Variants in NDUFAF7 observed in about 807,000 individuals in gnomAD.
The protein encoded by NDUFAF7 is NADH:ubiquinone oxidoreductase complex assembly factor 7, also known as protein arginine methyltransferase NDUFAF7, mitochondrial.
NDUFAF7 carries 48 observed loss-of-function variants against 47.2 expected under a neutral mutation model. That is an observed-to-expected ratio of 1.02 (90% confidence interval 0.81 to 1.29). The LOEUF (loss-of-function observed/expected upper bound fraction) is 1.29, where lower values mean the gene tolerates loss of function less well. Ranked by LOEUF, NDUFAF7 falls within the 50% of genes most tolerant of loss-of-function variation. The pLI is 0.00. For missense variants in NDUFAF7, 635 were observed against 537.6 expected (o/e 1.18, Z -1.79); for synonymous variants, 217 against 190.0 (o/e 1.14, Z -1.17).
chr2:37,266,871 T>C, the NDUFAF7 span, among the ~76,000 whole-genome samples: 3 of 152,222 alleles, frequency 2.0e-5, no homozygotes, highest in Non-Finnish European at 2.9e-5. Flanking sequence ...AAATTATTTA[T>C]ATGATATTCA....
At chr2:37,258,930 T>C in the NDUFAF7 span, among the ~76,000 whole-genome samples, 6 of 152,070 alleles carry the variant, frequency 3.9e-5, no homozygotes, top group South Asian at 2.1e-4. Context: ...TTGCCAATTA[T>C]GGAAAATGGC....
At chr2:37,245,283 G>A (rs1475288736) in intron 7 of NDUFAF7, among the ~76,000 whole-genome samples, 1 of 152,176 alleles carries the variant, frequency 6.6e-6, no homozygotes, top group Admixed American at 6.5e-5. Flanking sequence ...CTATAATAAG[G>A]TGTTAGGAAG....
At chr2:37,241,234 T>C (rs567229046) in intron 4 of NDUFAF7, among the ~76,000 whole-genome samples, 127 of 152,338 alleles carry the variant, frequency 8.3e-4, no homozygotes, top group African/African-American at 2.9e-3. Context: ...GACCTAGAGA[T>C]GTTATCAAAT....
intron 2 of NDUFAF7, among the ~76,000 whole-genome samples, chr2:37,235,650 ATTTAT>A (rs1558490004): frequency 6.6e-6 from 1 of 151,060 alleles, no homozygotes; most frequent in African/African-American, 2.4e-5. Flanking sequence ...TTATTTATTT[ATTTAT>A]TTATTTATTT....
chr2:37,248,770 C>T lies in NDUFAF7; in HGVS notation c.*420C>T, dbSNP rs150404727. 7.6e-3 allele frequency: 1,891 copies of T among 247,540 alleles called. 29 individuals are homozygous for T. Among genetic ancestry groups the T allele is most frequent in the African/African-American group, 0.04 (1,761 of 43,932 alleles). The allele number at this position is 247,540 out of a possible 1,614,324, so 15.3% of individuals were successfully genotyped here. ...TCTCTACTAAAAATACAAAACTAGCCGGGTATGGTGGTACATGCCTGTAAT... is the reference window on the plus strand; with the variant it reads ...TCTCTACTAAAAATACAAAACTAGCTGGGTATGGTGGTACATGCCTGTAAT... On this transcript the variant is annotated 3_prime_UTR_variant, in exon 10 of 10. Transcript: ENST00000002125.
intron 4 of NDUFAF7, among the ~76,000 whole-genome samples, chr2:37,238,185 A>C (rs1665989109): frequency 6.6e-6 from 1 of 152,200 alleles, no homozygotes; most frequent in Non-Finnish European, 1.5e-5. Context: ...CAATCCTAGC[A>C]CTTTGAGAGG....
downstream of NDUFAF7, among the ~76,000 whole-genome samples, chr2:37,250,031 T>C (rs1667351477): frequency 6.6e-6 from 1 of 151,924 alleles, no homozygotes; most frequent in Admixed American, 6.6e-5. Context: ...ATGAGATTTT[T>C]TTTTGCAATT....
At chr2:37,250,266 G>A (rs558797750), downstream of NDUFAF7, among the ~76,000 whole-genome samples, 1 of 152,192 alleles carries the variant, frequency 6.6e-6, no homozygotes, top group Admixed American at 6.5e-5. Flanking sequence ...TTGGTTGGGA[G>A]AATTTTTGAA....
At chr2:37,241,319 C>T (rs557315505) in intron 4 of NDUFAF7, among the ~76,000 whole-genome samples, 2 of 152,040 alleles carry the variant, frequency 1.3e-5, no homozygotes, top group African/African-American at 4.8e-5. Flanking sequence ...TATCAGATGC[C>T]AAATCTTTTA....
chr2:37,257,268 C>A (rs576761973), downstream of NDUFAF7, among the ~76,000 whole-genome samples: 3 of 152,290 alleles, frequency 2.0e-5, no homozygotes, highest in African/African-American at 7.2e-5. Flanking sequence ...TGTAAGATCA[C>A]TCTTCCATCA....
downstream of NDUFAF7, chr2:37,253,544 A>G: frequency 2.1e-6 from 1 of 484,304 alleles, no homozygotes; most frequent in Admixed American, 3.9e-5. Context: ...AATTTTTCAA[A>G]CTCAGAGTCT....
the NDUFAF7 span, chr2:37,267,633 T>G: frequency 1.1e-6 from 1 of 937,716 alleles, no homozygotes; most frequent in Non-Finnish European, 1.6e-6. Flanking sequence ...TACTCTTGAA[T>G]TTTCTTTTTG....
At chr2:37,262,652 A>G in the NDUFAF7 span, among the ~76,000 whole-genome samples, 1 of 151,006 alleles carries the variant, frequency 6.6e-6, no homozygotes, top group African/African-American at 2.5e-5. Context: ...CTGTTTTGCT[A>G]GGCCATAGTT....
chr2:37,242,073 G>A (rs536870171), intron 5 of NDUFAF7: 18 of 444,136 alleles, frequency 4.1e-5, no homozygotes, highest in Middle Eastern at 6.4e-4. Context: ...GGGTTGTACC[G>A]ATGACGGAGC....
chr2:37,265,630 T>G, the NDUFAF7 span, among the ~76,000 whole-genome samples: 1 of 152,060 alleles, frequency 6.6e-6, no homozygotes, highest in African/African-American at 2.4e-5. Flanking sequence ...AAAAAGTACT[T>G]AAGTATAAAT....
chr2:37,241,424 T>G (rs1226321426), intron 4 of NDUFAF7, among the ~76,000 whole-genome samples, 154 bp from the exon 5 acceptor site: 1 of 152,240 alleles, frequency 6.6e-6, no homozygotes, highest in African/African-American at 2.4e-5. Flanking sequence ...TAGGTTAGGA[T>G]TCTTATAGAC....
chr2:37,234,388 G>A (rs921154452), intron 2 of NDUFAF7, among the ~76,000 whole-genome samples: 1 of 151,806 alleles, frequency 6.6e-6, no homozygotes, highest in African/African-American at 2.4e-5. Flanking sequence ...CACTGTGCGC[G>A]GCCTAATTAT....
downstream of NDUFAF7, chr2:37,253,479 G>C (rs976275803): frequency 1.0e-5 from 7 of 696,138 alleles, no homozygotes; most frequent in South Asian, 2.3e-5. Flanking sequence ...CTACTCATAA[G>C]TATCTACTAT....
intron 3 of NDUFAF7, among the ~76,000 whole-genome samples, 157 bp from the exon 4 acceptor site, chr2:37,237,600 C>T (rs1665929004): frequency 1.3e-5 from 2 of 152,188 alleles, no homozygotes; most frequent in East Asian, 1.9e-4. Context: ...CAGGAAGTTC[C>T]TATGTGAACA....
Sources: allele counts gnomAD v4.1 joint callset (sites outside exome capture counted in the v4.1 genomes callset), GRCh38; gene constraint gnomAD v4.1.1; transcripts MANE v1.5; gene names NCBI Gene and HGNC (gene_info 2026-07-23, HGNC 2026-07-21).